Variants in CLK3 observed in about 807,000 individuals in gnomAD.
The protein encoded by CLK3 is dual specificity protein kinase CLK3.
In CLK3, 24 loss-of-function variants were observed where a neutral mutation model predicts 65.2. The observed-to-expected ratio is 0.37, with a 90% CI of 0.27 to 0.52. The LOEUF is 0.52. CLK3 is among the 20% of genes least tolerant of loss of function. The pLI, the probability that CLK3 is intolerant of heterozygous loss-of-function variation, is 0.92. For missense variants in CLK3, 506 were observed against 660.0 expected (o/e 0.77, Z 2.56); for synonymous variants, 252 against 240.8 (o/e 1.05, Z -0.43).
intron 1 of CLK3, among the ~76,000 whole-genome samples, chr15:74,617,438 A>G (rs1418066689): frequency 6.6e-6 from 1 of 152,256 alleles, no homozygotes; most frequent in Non-Finnish European, 1.5e-5. Context: ...TAGGAGAGAG[A>G]TATTTAATCC....
intron 1 of CLK3, 52 bp downstream of exon 1, chr15:74,615,950 G>T (rs1384221563): frequency 1.7e-6 from 2 of 1,208,826 alleles, no homozygotes; most frequent in Non-Finnish European, 2.1e-6. Context: ...GCGGCCGGGG[G>T]TGAGTCGGCG....
rs764247860 is a variant in CLK3 at position 74,622,022 on chromosome 15, C to G, written c.370-98C>G. 1 of 1,126,398 alleles carries G rather than the reference C, an allele frequency of 8.9e-7. No homozygotes were observed. Among genetic ancestry groups the G allele is most frequent in the Non-Finnish European group, 1.3e-6 (1 of 746,598 alleles). The allele number at this position is 1,126,398 out of a possible 1,614,324, so 69.8% of individuals were successfully genotyped here. On this transcript the variant is annotated intron_variant, in intron 3 of 12. Transcript: ENST00000395066. The surrounding 1 kb of genome is among the most constrained non-coding windows in gnomAD (Gnocchi z 4.6). ...ACCAACCAACCCACCGGCTCCTCAC[C>G]GTCTCCACCTCTGCCTTTGACTGAC...
chr15:74,610,661 C>T (rs1421093143), intron 1 of CLK3, among the ~76,000 whole-genome samples: 2 of 152,230 alleles, frequency 1.3e-5, no homozygotes, highest in Non-Finnish European at 2.9e-5. Flanking sequence ...TGCATCTCTA[C>T]CTCCAGCTGG....
upstream of CLK3, chr15:74,615,686 C>T: frequency 1.6e-6 from 2 of 1,239,968 alleles, no homozygotes; most frequent in Non-Finnish European, 2.0e-6. Context: ...TCTCCTAGGC[C>T]GCGGCGCCCG....
intron 1 of CLK3, among the ~76,000 whole-genome samples, chr15:74,618,202 G>T (rs989030153): frequency 6.6e-6 from 1 of 152,218 alleles, no homozygotes; most frequent in Non-Finnish European, 1.5e-5. Flanking sequence ...TGGGAAGAAG[G>T]CTGGCTCCAT....
intron 7 of CLK3, among the ~76,000 whole-genome samples, chr15:74,626,361 A>G (rs997506502): frequency 6.6e-6 from 1 of 152,242 alleles, no homozygotes; most frequent in Non-Finnish European, 1.5e-5. Flanking sequence ...CTGACTTGTC[A>G]TCTCCCTGCC....
rs2062150148 is a variant in CLK3 at position 74,627,157 on chromosome 15, C to T, written c.818-195C>T. ...CTACCCCCCTGCTAAAGTATCAGAA[C>T]CCTCCAAGGCCTCAAGTACAGAGAA... On this transcript the variant is annotated intron_variant, in intron 7 of 12. Coordinates refer to ENST00000395066, the MANE Select transcript of CLK3 (RefSeq NM_001130028.2). This position sits in a 1 kb window ranked among gnomAD's most constrained non-coding sequence, Gnocchi z 4.3. 8 of 704,110 alleles carry T rather than the reference C, an allele frequency of 1.1e-5. No individual in the cohort carries two copies. Among genetic ancestry groups the T allele is most frequent in the African/African-American group, 1.7e-5 (1 of 57,356 alleles). The allele number at this position is 704,110 out of a possible 1,614,324, so 43.6% of individuals were successfully genotyped here.
chr15:74,615,684 G>A (rs1165530930), upstream of CLK3: 3 of 1,240,770 alleles, frequency 2.4e-6, no homozygotes, highest in African/African-American at 1.5e-5. Context: ...AGTCTCCTAG[G>A]CCGCGGCGCC....
intron 5 of CLK3, among the ~76,000 whole-genome samples, chr15:74,623,229 G>A (rs1246141122): frequency 6.6e-6 from 1 of 152,216 alleles, no homozygotes; most frequent in African/African-American, 2.4e-5. Context: ...TATAGGTCTG[G>A]GTTGGGGAGG....
intron 1 of CLK3, among the ~76,000 whole-genome samples, chr15:74,616,121 C>A (rs2062057735): frequency 6.6e-6 from 1 of 152,250 alleles, no homozygotes; most frequent in South Asian, 2.1e-4. Context: ...AAGGCGGAGC[C>A]TGAACGGCCT....
At chr15:74,615,135 G>A (rs997145859), upstream of CLK3, 4 of 328,360 alleles carry the variant, frequency 1.2e-5, no homozygotes. Flanking sequence ...AGCCGGCGGG[G>A]CTTTTGTCTA....
In CLK3 at chr15:74,627,244, T is replaced by G. The variant is rs1596291159; in HGVS notation, c.818-108T>G. Reference sequence around the variant, plus strand: ...GTCCAGCTCCCTGCTGAGGTGGGGGTGTGAGGACCTCTGGCAGTTGCTGGC... The same window carrying G: ...GTCCAGCTCCCTGCTGAGGTGGGGGGGTGAGGACCTCTGGCAGTTGCTGGC... On this transcript the variant is annotated intron_variant, in intron 7 of 12. Transcript: ENST00000395066. This position sits in a 1 kb window ranked among gnomAD's most constrained non-coding sequence, Gnocchi z 4.3. The G allele has an allele frequency of 1.2e-6, 1 of 834,616 alleles. No individual in the cohort carries two copies. Among genetic ancestry groups the G allele is most frequent in the Non-Finnish European group, 2.1e-6 (1 of 480,740 alleles). The allele number at this position is 834,616 out of a possible 1,614,324, so 51.7% of individuals were successfully genotyped here. A position where few individuals can be genotyped will look rare whatever the true frequency, so the allele number is the denominator to read the frequency against.
chr15:74,616,011 C>G (rs1378399570), intron 1 of CLK3, 113 bp downstream of exon 1: 1 of 851,984 alleles, frequency 1.2e-6, no homozygotes, highest in Non-Finnish European at 1.6e-6. Flanking sequence ...TTTCTTTCTC[C>G]TCTTCGGCCC....
upstream of CLK3, among the ~76,000 whole-genome samples, chr15:74,612,491 C>T (rs1333617981): frequency 6.6e-6 from 1 of 152,154 alleles, no homozygotes; most frequent in Non-Finnish European, 1.5e-5. Flanking sequence ...TCCCAACTCC[C>T]AACCCTGGGC....
intron 1 of CLK3, among the ~76,000 whole-genome samples, chr15:74,618,278 G>T (rs1421519061): frequency 6.6e-6 from 1 of 152,202 alleles, no homozygotes; most frequent in South Asian, 2.1e-4. Context: ...AGCTTTCTCC[G>T]CTGGTGGCAG....
Position 74,622,647 on chromosome 15 carries a change from A to G in CLK3, c.533+87A>G. The stretch of plus-strand genomic sequence containing the variant: ...GAGGTTCTTGAGGGTGGCAGCTATC[A>G]GAGCTTAACTTTTTTCTTTTTGAAG... On this transcript the variant is annotated intron_variant, in intron 5 of 12. Coordinates refer to ENST00000395066, the MANE Select transcript of CLK3 (RefSeq NM_001130028.2). The surrounding 1 kb of genome is among the most constrained non-coding windows in gnomAD (Gnocchi z 4.6). 9.4e-7 allele frequency: 1 copy of G among 1,063,362 alleles called. No homozygotes were observed. The highest frequency in any genetic ancestry group is 1.4e-6 in the Non-Finnish European group (1 of 732,146). 65.9% of individuals were successfully genotyped at this position (1,063,362 alleles called of 1,614,324 possible).
intron 5 of CLK3, among the ~76,000 whole-genome samples, chr15:74,623,208 G>C (rs1364504326): frequency 6.6e-6 from 1 of 152,196 alleles, no homozygotes; most frequent in Non-Finnish European, 1.5e-5. Flanking sequence ...TAGAACATTT[G>C]CTTCCTCTCC....
rs2062052531 is a variant in CLK3 at position 74,615,860 on chromosome 15, G to C, written c.-39G>C. 1 of 1,255,982 alleles carries C rather than the reference G, an allele frequency of 8.0e-7. No homozygotes were observed. The highest frequency in any genetic ancestry group is 1.0e-6 in the Non-Finnish European group (1 of 1,000,190). The allele number at this position is 1,255,982 out of a possible 1,614,324, so 77.8% of individuals were successfully genotyped here. On this transcript the variant is annotated 5_prime_UTR_variant, in exon 1 of 13. Coordinates refer to ENST00000395066, the MANE Select transcript of CLK3 (RefSeq NM_001130028.2). ...CGGAAGCGGAAGAGGCGCTCGGAGC[G>C]GGGAGTGGGGCCTAGCTGCAGCCGG...
chr15:74,612,935 G>A (rs1374119819), upstream of CLK3, among the ~76,000 whole-genome samples: 2 of 152,310 alleles, frequency 1.3e-5, no homozygotes, highest in East Asian at 1.9e-4. Context: ...AGCTTGGTCC[G>A]GGAGGGGCTC....
Sources: allele counts gnomAD v4.1 joint callset (sites outside exome capture counted in the v4.1 genomes callset), GRCh38; gene constraint gnomAD v4.1.1; non-coding constraint Gnocchi (gnomAD v3.1); transcripts MANE v1.5; gene names NCBI Gene and HGNC (gene_info 2026-07-23, HGNC 2026-07-21).